Variants in DIAPH3 observed in about 807,000 individuals in gnomAD.
DIAPH3 encodes diaphanous related formin 3.
A neutral mutation model predicts 144.3 loss-of-function variants in DIAPH3; 117 were observed. The ratio of observed to expected loss-of-function variants is 0.81; its 90% CI spans 0.70 to 0.95. The LOEUF (loss-of-function observed/expected upper bound fraction) is 0.95, where lower values mean the gene tolerates loss of function less well. Ranked by LOEUF, DIAPH3 falls within the 40% of genes least tolerant of loss-of-function variation. DIAPH3 has a pLI of 0.00. For synonymous variants in DIAPH3, 519 were observed against 488.9 expected (o/e 1.06, Z -0.81); for missense variants, 1,421 against 1,412.7 (o/e 1.01, Z -0.09).
At chr13:59,826,953 T>C (rs955368231) in intron 24 of DIAPH3, among the ~76,000 whole-genome samples, 4 of 151,756 alleles carry the variant, frequency 2.6e-5, no homozygotes, top group Non-Finnish European at 5.9e-5. Context: ...ATTTAATAAA[T>C]GGTGCTGGGA....
At chr13:59,795,049 G>A (rs973368631) in intron 25 of DIAPH3, among the ~76,000 whole-genome samples, 1 of 152,200 alleles carries the variant, frequency 6.6e-6, no homozygotes, top group Non-Finnish European at 1.5e-5. Flanking sequence ...CCTGTGGGCC[G>A]CAGTTAGCTC....
At position 59,711,288 on chromosome 13, in the gene DIAPH3, G is replaced by A. The variant is rs1197992591; in HGVS notation, c.3320-44442C>T. Among the ~76,000 whole-genome samples, 3 of 152,224 alleles carry A rather than the reference G, an allele frequency of 2.0e-5. No homozygotes were observed. The East Asian group carries it at 5.8e-4, about 29-fold the overall frequency. ...CTGGACAGTCCTTGAAGCTTGGAGT[G>A]GCTTTCTTATCCACAGCCCTTCTGA... is the stretch of plus-strand genomic sequence containing the variant. On this transcript the variant is annotated intron_variant, in intron 27 of 27. Coordinates refer to ENST00000400324, the MANE Select transcript of DIAPH3 (RefSeq NM_001042517.2).
At chr13:60,105,839 C>T (rs2058404684) in intron 3 of DIAPH3, among the ~76,000 whole-genome samples, 1 of 152,124 alleles carries the variant, frequency 6.6e-6, no homozygotes, top group African/African-American at 2.4e-5. Context: ...AGTCAATAAA[C>T]ACTTAAGAGA....
intron 2 of DIAPH3, among the ~76,000 whole-genome samples, chr13:60,131,435 CA>C (rs777909368): frequency 0.11 from 3,328 of 29,290 alleles, 18 homozygotes; most frequent in African/African-American, 0.24. Flanking sequence ...GACCCTGTCT[CA>C]AAAAAAAAAA....
At chr13:59,881,324 T>C (rs533190914) in intron 20 of DIAPH3, among the ~76,000 whole-genome samples, 3 of 152,088 alleles carry the variant, frequency 2.0e-5, no homozygotes, top group Non-Finnish European at 4.4e-5. Flanking sequence ...GTAGTACCTG[T>C]AGTTATGGCC....
In DIAPH3 at chr13:59,814,357, T is replaced by C. The variant is rs575160615; in HGVS notation, c.3028-3434A>G. On this transcript the variant is annotated intron_variant, in intron 24 of 27. Transcript: ENST00000400324. The stretch of plus-strand genomic sequence containing the variant: ...ATTTTGTTTCATGAAAAATGCACTA[T>C]TGATTTTCATTTAAAAGCCTACTTC... 4.6e-5 allele frequency among the ~76,000 whole-genome samples: 7 copies of C among 152,318 alleles called. 1 individual carries two copies. In the East Asian group the frequency reaches 9.6e-4, roughly 21 times the overall value.
chr13:59,688,080 A>G (rs1210722845), intron 27 of DIAPH3, among the ~76,000 whole-genome samples: 1 of 152,078 alleles, frequency 6.6e-6, no homozygotes, highest in Non-Finnish European at 1.5e-5. Flanking sequence ...TTGGGAGTTC[A>G]GCTAAATATT....
At chr13:59,827,710 A>G (rs2041525212) in intron 24 of DIAPH3, among the ~76,000 whole-genome samples, 1 of 151,996 alleles carries the variant, frequency 6.6e-6, no homozygotes, top group Admixed American at 6.6e-5. Flanking sequence ...AGAAGAGACC[A>G]TGTAGTTTGG....
chr13:60,074,483 C>T (rs1192762629), intron 4 of DIAPH3, among the ~76,000 whole-genome samples: 2 of 152,126 alleles, frequency 1.3e-5, no homozygotes, highest in East Asian at 1.9e-4. Context: ...CCACATTATC[C>T]TTTGTGTGTG....
intron 1 of DIAPH3, among the ~76,000 whole-genome samples, chr13:60,161,103 G>A (rs144224004): frequency 1.3e-5 from 2 of 152,336 alleles, no homozygotes; most frequent in African/African-American, 2.4e-5. Flanking sequence ...CTTTGCAGAA[G>A]TGTGCAAAAC....
intron 25 of DIAPH3, among the ~76,000 whole-genome samples, chr13:59,804,773 A>T (rs2040109398): frequency 6.6e-6 from 1 of 152,204 alleles, no homozygotes; most frequent in African/African-American, 2.4e-5. Flanking sequence ...GCATTACTGC[A>T]CAAAACTAGA....
chr13:59,781,811 TTAAAAGG>T (rs1231880801), intron 25 of DIAPH3, among the ~76,000 whole-genome samples: 1 of 152,164 alleles, frequency 6.6e-6, no homozygotes, highest in Non-Finnish European at 1.5e-5. Flanking sequence ...TGTAATGGTA[TTAAAAGG>T]TAGGGTCTTT....
intron 20 of DIAPH3, among the ~76,000 whole-genome samples, chr13:59,888,827 A>AT (rs969629740): frequency 7.2e-4 from 108 of 150,702 alleles, no homozygotes; most frequent in Admixed American, 1.3e-3. Context: ...ATGTCACCTT[A>AT]TTTTTTTTTA....
At chr13:59,914,185 A>G (rs981688579) in intron 19 of DIAPH3, among the ~76,000 whole-genome samples, 49 of 152,274 alleles carry the variant, frequency 3.2e-4, no homozygotes, top group African/African-American at 1.2e-3. Context: ...ATGTCAAAAT[A>G]TAACCATCAC....
At chr13:60,031,282 C>A (rs2141103372) in intron 5 of DIAPH3, among the ~76,000 whole-genome samples, 1 of 152,162 alleles carries the variant, frequency 6.6e-6, no homozygotes, top group Middle Eastern at 3.4e-3. Context: ...AACTCACTCA[C>A]TATCACAAAG....
chr13:59,669,332 A>G (rs2032218290), intron 27 of DIAPH3, among the ~76,000 whole-genome samples: 1 of 151,640 alleles, frequency 6.6e-6, no homozygotes, highest in African/African-American at 2.4e-5. Context: ...TAGTCCATTC[A>G]CTCTTCCATT....
intron 27 of DIAPH3, among the ~76,000 whole-genome samples, chr13:59,745,477 CA>C (rs540349954): frequency 1.9e-4 from 29 of 150,582 alleles, no homozygotes; most frequent in African/African-American, 5.4e-4. Flanking sequence ...AATTGACTCA[CA>C]AAAAAAAATG....
At chr13:60,061,213 T>C (rs1321716426) in intron 4 of DIAPH3, among the ~76,000 whole-genome samples, 1 of 152,018 alleles carries the variant, frequency 6.6e-6, no homozygotes, top group Non-Finnish European at 1.5e-5. Flanking sequence ...GTGGAAGAGC[T>C]GGTGTGTTTT....
At chr13:60,116,779 A>G (rs1457191128) in intron 2 of DIAPH3, among the ~76,000 whole-genome samples, 1 of 152,110 alleles carries the variant, frequency 6.6e-6, no homozygotes, top group Non-Finnish European at 1.5e-5. Flanking sequence ...GTAATAGAAG[A>G]CATAAAATCT....
Sources: gnomAD v4.1 joint callset for allele counts (sites outside exome capture counted in the v4.1 genomes callset) on GRCh38, gnomAD v4.1.1 for gene constraint, MANE v1.5 for transcripts, NCBI Gene and HGNC (gene_info 2026-07-23, HGNC 2026-07-21) for gene names.